Variants in ADAMTS12 observed in about 807,000 individuals in gnomAD.
ADAMTS12 encodes A disintegrin and metalloproteinase with thrombospondin motifs 12.
In ADAMTS12, 118 loss-of-function variants were observed where a neutral mutation model predicts 167.8. That is an observed-to-expected ratio of 0.70 (90% confidence interval 0.61 to 0.82). The LOEUF is 0.82. Among genes scored for constraint, ADAMTS12 ranks in the 40% least tolerant of loss-of-function variants. The pLI is 0.00. For synonymous variants in ADAMTS12, 704 were observed against 716.9 expected, an observed-to-expected ratio of 0.98 and a Z score of 0.29; for missense variants, 1,916 against 1,998.8, an observed-to-expected ratio of 0.96 and a Z score of 0.79.
intron 2 of ADAMTS12, among the ~76,000 whole-genome samples, chr5:33,797,402 G>C (rs569194552): frequency 6.6e-6 from 1 of 152,050 alleles, no homozygotes; most frequent in African/African-American, 2.4e-5. Context: ...TGTGAACAGA[G>C]TGTGTAACTG....
chr5:33,788,708 T>C (rs1013405759), intron 2 of ADAMTS12, among the ~76,000 whole-genome samples: 3 of 152,192 alleles, frequency 2.0e-5, no homozygotes, highest in South Asian at 2.1e-4. Context: ...GACGGGCTAT[T>C]CAACAGGAGG....
Position 33,606,509 on chromosome 5 carries a change from T to C in ADAMTS12, c.2527+7729A>G, listed in dbSNP as rs541935740. ...AAACTGTAAGGATGAGTTGCCTTCA[T>C]GCACAGACCACTGCGTGCCCACTCT... On this transcript the variant is annotated intron_variant, in intron 16 of 23. Coordinates refer to ENST00000504830, the MANE Select transcript of ADAMTS12 (RefSeq NM_030955.4). Among the ~76,000 whole-genome samples, 352 of 152,338 alleles carry C rather than the reference T, an allele frequency of 2.3e-3. 2 individuals are homozygous for C. Among genetic ancestry groups the C allele is most frequent in the African/African-American group, 8.1e-3 (336 of 41,582 alleles).
intron 9 of ADAMTS12, among the ~76,000 whole-genome samples, chr5:33,645,019 C>T (rs934355047): frequency 6.6e-5 from 10 of 152,018 alleles, no homozygotes; most frequent in East Asian, 3.9e-4. Flanking sequence ...CGTAAGCCAC[C>T]GTACCCGGCC....
chr5:33,649,774 G>T, intron 7 of ADAMTS12, 77 bp from the exon 8 acceptor site: 1 of 1,557,784 alleles, frequency 6.4e-7, no homozygotes. Flanking sequence ...GTTTCCCTAA[G>T]AGCGTAATAA....
intron 9 of ADAMTS12, among the ~76,000 whole-genome samples, chr5:33,646,841 A>C (rs1027564658): frequency 6.6e-6 from 1 of 152,214 alleles, no homozygotes. Flanking sequence ...TAAAGAAATA[A>C]AAGATTACAT....
intron 2 of ADAMTS12, among the ~76,000 whole-genome samples, chr5:33,877,637 C>T (rs16891853): frequency 0.046 from 7,007 of 152,146 alleles, 548 homozygotes; most frequent in African/African-American, 0.16. Context: ...GTAGTGAAAA[C>T]GGTGGAGATG....
chr5:33,758,231 G>T (rs1745232756), intron 2 of ADAMTS12, among the ~76,000 whole-genome samples: 1 of 152,094 alleles, frequency 6.6e-6, no homozygotes, highest in South Asian at 2.1e-4. Flanking sequence ...CAAGTTAAGG[G>T]TTTCTGTAGG....
intron 2 of ADAMTS12, among the ~76,000 whole-genome samples, chr5:33,793,469 T>C (rs1746652231): frequency 1.3e-5 from 2 of 152,268 alleles, no homozygotes; most frequent in Non-Finnish European, 2.9e-5. Context: ...CAGGAACAGA[T>C]GTTTTAGAGA....
intron 2 of ADAMTS12, among the ~76,000 whole-genome samples, chr5:33,822,391 G>A (rs1747899774): frequency 6.6e-6 from 1 of 152,144 alleles, no homozygotes; most frequent in South Asian, 2.1e-4. Context: ...TCTGGCTTTA[G>A]TTCTGTGATC....
chr5:33,529,037 C>T (rs1006833269), intron 23 of ADAMTS12, among the ~76,000 whole-genome samples: 17 of 152,112 alleles, frequency 1.1e-4, no homozygotes, highest in African/African-American at 3.6e-4. Context: ...AAGAGTGAAA[C>T]TTCATCTCAA....
Position 33,576,727 on chromosome 5 carries a change from T to C in ADAMTS12, c.3299A>G (p.Gln1100Arg). The stretch of plus-strand genomic sequence containing the variant: ...ACTGGAAACATTTTCCTCACTTGGC[T>C]GAATGCTCAAGGATTGGGAAGTGAG... The part of the protein sequence containing the change: ...PILTSQSLSI[Q>R]PSEENVSSSD... Residue 1100 changes from glutamine to arginine, a missense_variant, in exon 19 of 24, where the codon CAG becomes CGG. Physicochemically the swap from Gln to Arg is conservative, Grantham distance 43 (BLOSUM62 1). Transcript: ENST00000504830. 5.0e-6 allele frequency: 8 copies of C among 1,614,232 alleles called. No homozygotes were observed. Among genetic ancestry groups the C allele is most frequent in the Non-Finnish European group, 6.8e-6 (8 of 1,180,048 alleles).
intron 17 of ADAMTS12, among the ~76,000 whole-genome samples, chr5:33,595,369 TG>T: frequency 6.6e-6 from 1 of 152,294 alleles, no homozygotes; most frequent in Non-Finnish European, 1.5e-5. Flanking sequence ...TAGCCTGGAC[TG>T]GGAGGGAGGG....
chr5:33,543,902 A>G (rs978446111), intron 22 of ADAMTS12, among the ~76,000 whole-genome samples: 2 of 152,176 alleles, frequency 1.3e-5, no homozygotes, highest in Admixed American at 1.3e-4. Flanking sequence ...CACAGCCAAT[A>G]TTATACTGAA....
Position 33,830,647 on chromosome 5 carries a change from C to A in ADAMTS12, c.489+50472G>T, listed in dbSNP as rs913913639. On this transcript the variant is annotated intron_variant, in intron 2 of 23. Transcript: ENST00000504830. Reference sequence around the variant, plus strand: ...CTATTAAAAATTGAAAAAAAATTAGCCAAGAGTGGTGGCGCACACCTGTAG... The same window carrying A: ...CTATTAAAAATTGAAAAAAAATTAGACAAGAGTGGTGGCGCACACCTGTAG... Among the ~76,000 whole-genome samples the A allele has an allele frequency of 9.2e-5, 14 of 152,126 alleles. 1 individual carries two copies. Among genetic ancestry groups the A allele is most frequent in the Admixed American group, 3.9e-4 (6 of 15,270 alleles).
chr5:33,676,514 G>A (rs574911835), intron 5 of ADAMTS12, among the ~76,000 whole-genome samples: 10 of 148,920 alleles, frequency 6.7e-5, no homozygotes, highest in African/African-American at 2.3e-4. Context: ...AACGTAGTGA[G>A]ACCCCATCTT....
intron 13 of ADAMTS12, among the ~76,000 whole-genome samples, chr5:33,629,392 G>T (rs1181569773): frequency 6.6e-6 from 1 of 152,188 alleles, no homozygotes; most frequent in East Asian, 1.9e-4. Context: ...AACAAAATTT[G>T]TTGAGTTTAC....
intron 5 of ADAMTS12, among the ~76,000 whole-genome samples, chr5:33,666,327 C>A (rs1414107728): frequency 6.6e-6 from 1 of 152,220 alleles, no homozygotes; most frequent in Non-Finnish European, 1.5e-5. Context: ...CTCCACCTGG[C>A]AACCTTCATT....
intron 1 of ADAMTS12, among the ~76,000 whole-genome samples, chr5:33,883,316 GTTTTTTTTTTGTTTT>G (rs760107422): frequency 0.063 from 7,858 of 125,672 alleles, 279 homozygotes; most frequent in East Asian, 0.19. Context: ...TGTTTGTTTG[GTTTTTTTTTTGTTTT>G]TTTTTTTTTT....
At chr5:33,707,693 G>C (rs1743251302) in intron 3 of ADAMTS12, among the ~76,000 whole-genome samples, 1 of 152,094 alleles carries the variant, frequency 6.6e-6, no homozygotes, top group African/African-American at 2.4e-5. Context: ...AGAAAAACAA[G>C]CAATAGGGAA....
Sources: gnomAD v4.1 joint callset for allele counts (sites outside exome capture counted in the v4.1 genomes callset) on GRCh38, gnomAD v4.1.1 for gene constraint, MANE v1.5 for transcripts, NCBI Gene and HGNC (gene_info 2026-07-23, HGNC 2026-07-21) for gene names.